ANKS1B: variants seen among roughly 807,000 people sequenced by gnomAD.
The protein encoded by ANKS1B is ankyrin repeat and sterile alpha motif domain-containing protein 1B.
ANKS1B carries 36 observed loss-of-function variants against 148.3 expected under a neutral mutation model. That is an observed-to-expected ratio of 0.24 (90% CI 0.19 to 0.32). The LOEUF (loss-of-function observed/expected upper bound fraction) is 0.32, where lower values mean the gene tolerates loss of function less well. Ranked by LOEUF, ANKS1B falls within the 10% of genes least tolerant of loss-of-function variation. The pLI is 1.00. For synonymous variants in ANKS1B, 542 were observed against 560.8 expected, an observed-to-expected ratio of 0.97 and a Z score of 0.47; for missense variants, 1,157 against 1,542.6, an observed-to-expected ratio of 0.75 and a Z score of 4.19.
At chr12:99,152,916 A>C (rs1034135142) in intron 15 of ANKS1B, among the ~76,000 whole-genome samples, 1 of 152,142 alleles carries the variant, frequency 6.6e-6, no homozygotes, top group Non-Finnish European at 1.5e-5. Flanking sequence ...TAAGACTTTC[A>C]TAGCAATTGA....
chr12:99,916,815 A>G (rs2094185715), intron 1 of ANKS1B, among the ~76,000 whole-genome samples: 1 of 152,244 alleles, frequency 6.6e-6, no homozygotes, highest in South Asian at 2.1e-4. Flanking sequence ...AACTACTGCA[A>G]TGTTACTCAA....
At chr12:99,272,680 A>T (rs950623429) in intron 12 of ANKS1B, among the ~76,000 whole-genome samples, 5 of 152,224 alleles carry the variant, frequency 3.3e-5, no homozygotes, top group Non-Finnish European at 5.9e-5. Context: ...CCTTTGCTTC[A>T]CTAATTAGCA....
intron 12 of ANKS1B, among the ~76,000 whole-genome samples, chr12:99,284,253 T>C (rs1181702243): frequency 6.6e-6 from 1 of 152,076 alleles, no homozygotes; most frequent in Non-Finnish European, 1.5e-5. Context: ...TGGATTTAAA[T>C]TGTGTATATT....
intron 11 of ANKS1B, among the ~76,000 whole-genome samples, chr12:99,429,128 C>T (rs2095318421): frequency 6.6e-6 from 1 of 152,054 alleles, no homozygotes; most frequent in Non-Finnish European, 1.5e-5. Flanking sequence ...CAAATGTATA[C>T]ACATTTCAGA....
chr12:99,844,449 T>C (rs994128294), intron 1 of ANKS1B, among the ~76,000 whole-genome samples: 1 of 152,214 alleles, frequency 6.6e-6, no homozygotes, highest in African/African-American at 2.4e-5. Flanking sequence ...GTTTCAATTT[T>C]CTGCATATAG....
At chr12:99,363,424 G>A (rs1345101753) in intron 12 of ANKS1B, among the ~76,000 whole-genome samples, 2 of 151,972 alleles carry the variant, frequency 1.3e-5, no homozygotes, top group Non-Finnish European at 2.9e-5. Flanking sequence ...TGATGCCAAA[G>A]GAAATAAATA....
chr12:99,504,411 T>C, intron 10 of ANKS1B, 65 bp downstream of exon 10: 1 of 1,498,104 alleles, frequency 6.7e-7, no homozygotes, highest in South Asian at 1.2e-5. Flanking sequence ...AAAATGTTAA[T>C]GATGCATCTT....
intron 1 of ANKS1B, among the ~76,000 whole-genome samples, chr12:99,962,852 C>T (rs1435397121): frequency 7.5e-5 from 10 of 133,058 alleles, no homozygotes; most frequent in African/African-American, 2.6e-4. Context: ...CTCGCTCTGT[C>T]GCCCAGGCTG....
chr12:99,000,100 A>G (rs921217135), intron 17 of ANKS1B, among the ~76,000 whole-genome samples: 2 of 152,094 alleles, frequency 1.3e-5, no homozygotes, highest in Non-Finnish European at 2.9e-5. Flanking sequence ...GGAAGAAGAG[A>G]AACAGAGAGG....
chr12:99,191,202 G>A (rs919264420), intron 14 of ANKS1B, among the ~76,000 whole-genome samples: 2 of 152,182 alleles, frequency 1.3e-5, no homozygotes, highest in African/African-American at 4.8e-5. Flanking sequence ...AACAACAGAT[G>A]CTGGAGAGGA....
At chr12:99,432,419 T>C (rs888583032) in intron 11 of ANKS1B, among the ~76,000 whole-genome samples, 18 of 152,036 alleles carry the variant, frequency 1.2e-4, no homozygotes, top group African/African-American at 4.3e-4. Flanking sequence ...GTGAACCAGG[T>C]ACTGTTCTCA....
intron 14 of ANKS1B, among the ~76,000 whole-genome samples, chr12:99,195,028 G>A (rs2081225498): frequency 6.6e-6 from 1 of 151,924 alleles, no homozygotes; most frequent in African/African-American, 2.4e-5. Context: ...TGAAAACATT[G>A]GATTCTTGAG....
chr12:99,397,688 C>T (rs138531863), intron 12 of ANKS1B, among the ~76,000 whole-genome samples: 9 of 151,974 alleles, frequency 5.9e-5, no homozygotes, highest in East Asian at 1.9e-4. Flanking sequence ...CAGATAATAC[C>T]GAATTTATAT....
At chr12:99,900,607 C>A (rs1326815916) in intron 1 of ANKS1B, among the ~76,000 whole-genome samples, 1 of 151,424 alleles carries the variant, frequency 6.6e-6, no homozygotes, top group African/African-American at 2.4e-5. Context: ...TTCCAGAACT[C>A]TTTCAATTCT....
At chr12:98,932,581 T>G (rs754266234) in intron 17 of ANKS1B, among the ~76,000 whole-genome samples, 9 of 152,100 alleles carry the variant, frequency 5.9e-5, no homozygotes, top group Non-Finnish European at 1.0e-4. Context: ...GTTAGAAAAA[T>G]AGTATTTCAT....
chr12:99,021,359 G>T (rs1255650455), intron 17 of ANKS1B, among the ~76,000 whole-genome samples: 1 of 152,004 alleles, frequency 6.6e-6, no homozygotes, highest in Non-Finnish European at 1.5e-5. Flanking sequence ...ATCTTTATGA[G>T]ACATAAGAAA....
At chr12:98,795,417 T>G (rs7315399) in intron 22 of ANKS1B, among the ~76,000 whole-genome samples, 43,942 of 152,094 alleles carry the variant, frequency 0.29, 6,811 homozygotes, top group Middle Eastern at 0.36. Flanking sequence ...GGATGAGAAC[T>G]GAATAATCTT....
chr12:99,354,471 T>C (rs1263084451), intron 12 of ANKS1B, among the ~76,000 whole-genome samples: 1 of 152,054 alleles, frequency 6.6e-6, no homozygotes, highest in Non-Finnish European at 1.5e-5. Flanking sequence ...TGAACCTCAC[T>C]ATTTCCTCAT....
intron 25 of ANKS1B, among the ~76,000 whole-genome samples, chr12:98,756,767 G>C (rs1355478929): frequency 7.6e-6 from 1 of 132,192 alleles, no homozygotes; most frequent in Non-Finnish European, 1.6e-5. Flanking sequence ...TGCCCTTGTT[G>C]CCCAGGCTGG....
Sources: gnomAD v4.1 joint callset for allele counts (sites outside exome capture counted in the v4.1 genomes callset) on GRCh38, gnomAD v4.1.1 for gene constraint, MANE v1.5 for transcripts, NCBI Gene and HGNC (gene_info 2026-07-23, HGNC 2026-07-21) for gene names.